DPP10: variants seen among roughly 807,000 people sequenced by gnomAD.
DPP10 encodes inactive dipeptidyl peptidase 10.
Under a neutral mutation model 120.9 loss-of-function variants are expected in DPP10, and 33 were observed. That is an observed-to-expected ratio of 0.27 (90% CI 0.21 to 0.37). The LOEUF is 0.37. Among genes scored for constraint, DPP10 ranks in the 10% least tolerant of loss-of-function variants. The pLI is 1.00. For synonymous variants in DPP10, 337 were observed against 326.1 expected (o/e 1.03, Z -0.36); for missense variants, 816 against 942.8 (o/e 0.87, Z 1.76).
intron 5 of DPP10, among the ~76,000 whole-genome samples, chr2:115,644,303 C>G (rs914296915): frequency 2.0e-4 from 31 of 152,062 alleles, no homozygotes; most frequent in African/African-American, 7.2e-4. Context: ...CTAATGCTAT[C>G]CCTCCCCCCT....
At chr2:115,378,670 T>G (rs898395920) in intron 3 of DPP10, among the ~76,000 whole-genome samples, 3 of 151,918 alleles carry the variant, frequency 2.0e-5, no homozygotes, top group African/African-American at 4.8e-5. Flanking sequence ...GCCCATTCAG[T>G]ATGATATTGG....
At position 115,559,705 on chromosome 2, in the gene DPP10, T is replaced by G. The variant is rs565479466; in HGVS notation, c.441+33733T>G. ...TTTATTTTCCAAATTATGTGCAACC[T>G]GATTGAGGACCCCTTTTAACTTTAC... On this transcript the variant is annotated intron_variant, in intron 5 of 25. Transcript: ENST00000410059. Among the ~76,000 whole-genome samples the G allele has an allele frequency of 2.0e-5, 3 of 152,326 alleles. No homozygotes were observed. The South Asian group carries it at 6.2e-4, about 32-fold the overall frequency.
At chr2:115,693,081 A>G (rs570817671) in intron 7 of DPP10, among the ~76,000 whole-genome samples, 1 of 152,316 alleles carries the variant, frequency 6.6e-6, no homozygotes, top group East Asian at 1.9e-4. Context: ...AAAATGAAAA[A>G]TGTCTGCAAT....
intron 5 of DPP10, among the ~76,000 whole-genome samples, chr2:115,685,285 T>C (rs2090923866): frequency 1.3e-5 from 2 of 151,992 alleles, no homozygotes; most frequent in African/African-American, 4.8e-5. Flanking sequence ...GCTGTATTTT[T>C]CTAAACTGTA....
intron 1 of DPP10, among the ~76,000 whole-genome samples, chr2:114,735,328 C>T (rs1167641136): frequency 6.6e-6 from 1 of 152,066 alleles, no homozygotes; most frequent in South Asian, 2.1e-4. Flanking sequence ...GCTTTGGCAC[C>T]AGCGAATTTT....
intron 1 of DPP10, among the ~76,000 whole-genome samples, chr2:115,194,635 G>C (rs769036462): frequency 6.6e-6 from 1 of 152,158 alleles, no homozygotes; most frequent in Admixed American, 6.5e-5. Flanking sequence ...GGTTTGGCCC[G>C]TCTTGCGTGA....
chr2:114,958,417 G>A (rs1698370068), intron 1 of DPP10, among the ~76,000 whole-genome samples: 1 of 152,138 alleles, frequency 6.6e-6, no homozygotes, highest in Non-Finnish European at 1.5e-5. Context: ...ACTTTAACGG[G>A]TACAAAGTTT....
At chr2:114,462,609 G>A (rs961013633) in intron 1 of DPP10, among the ~76,000 whole-genome samples, 1 of 152,148 alleles carries the variant, frequency 6.6e-6, no homozygotes, top group African/African-American at 2.4e-5. Flanking sequence ...CCTAACAAGG[G>A]TCTATGCTAT....
intron 1 of DPP10, among the ~76,000 whole-genome samples, chr2:115,090,457 AG>A (rs1182475239): frequency 6.6e-6 from 1 of 151,892 alleles, no homozygotes; most frequent in Admixed American, 6.6e-5. Flanking sequence ...GGATTTGGGG[AG>A]GGGGGTGAGG....
At chr2:115,678,086 C>T (rs1316197401) in intron 5 of DPP10, among the ~76,000 whole-genome samples, 1 of 152,144 alleles carries the variant, frequency 6.6e-6, no homozygotes, top group East Asian at 1.9e-4. Flanking sequence ...GAGCATAAAA[C>T]TTTAGAAAAT....
intron 3 of DPP10, among the ~76,000 whole-genome samples, chr2:115,348,554 A>T (rs1208639443): frequency 6.6e-6 from 1 of 152,064 alleles, no homozygotes; most frequent in Non-Finnish European, 1.5e-5. Context: ...TTACATGGGT[A>T]TCCTGCAACG....
chr2:115,696,454 TTC>T (rs1322307451), intron 7 of DPP10, among the ~76,000 whole-genome samples: 2 of 152,126 alleles, frequency 1.3e-5, no homozygotes, highest in Non-Finnish European at 2.9e-5. Context: ...GTGTTCAAAA[TTC>T]TAAAAGAAAA....
At chr2:115,078,955 T>C (rs1159555576) in intron 1 of DPP10, among the ~76,000 whole-genome samples, 1 of 152,214 alleles carries the variant, frequency 6.6e-6, no homozygotes, top group Non-Finnish European at 1.5e-5. Flanking sequence ...TTTTTTGATT[T>C]AGATTAATTC....
chr2:115,293,866 AAACT>A (rs1272669453), intron 1 of DPP10, among the ~76,000 whole-genome samples: 26 of 152,222 alleles, frequency 1.7e-4, no homozygotes, highest in African/African-American at 6.0e-4. Flanking sequence ...CCGAAGAAAC[AAACT>A]AAGGCTATAA....
chr2:114,667,632 C>G (rs1698026327), intron 1 of DPP10, among the ~76,000 whole-genome samples: 2 of 152,134 alleles, frequency 1.3e-5, no homozygotes, highest in Admixed American at 1.3e-4. Context: ...TCATGCTTGG[C>G]AAATCCCCCT....
chr2:114,873,652 A>G (rs1428378014), intron 1 of DPP10, among the ~76,000 whole-genome samples: 1 of 152,086 alleles, frequency 6.6e-6, no homozygotes, highest in Non-Finnish European at 1.5e-5. Flanking sequence ...TGTGTCCTTC[A>G]TAGAGAAATG....
At chr2:115,506,715 T>G (rs1216960870) in intron 4 of DPP10, among the ~76,000 whole-genome samples, 13 of 152,136 alleles carry the variant, frequency 8.5e-5, no homozygotes. Context: ...GATATCTATG[T>G]ATAGATCTAT....
At chr2:115,143,221 T>C (rs1205332951) in intron 1 of DPP10, among the ~76,000 whole-genome samples, 1 of 152,122 alleles carries the variant, frequency 6.6e-6, no homozygotes, top group Non-Finnish European at 1.5e-5. Flanking sequence ...TGGCCCTCGA[T>C]AAAGGTCAGA....
intron 1 of DPP10, among the ~76,000 whole-genome samples, chr2:114,881,390 C>T (rs1012993094): frequency 1.1e-4 from 16 of 152,128 alleles, no homozygotes; most frequent in Non-Finnish European, 1.5e-4. Context: ...CCACTCTGAG[C>T]CATTTGAACA....
Sources: allele counts gnomAD v4.1 joint callset (sites outside exome capture counted in the v4.1 genomes callset), GRCh38; gene constraint gnomAD v4.1.1; transcripts MANE v1.5; gene names NCBI Gene and HGNC (gene_info 2026-07-23, HGNC 2026-07-21).